The following NCALD variants were observed in gnomAD, a reference collection of about 807,000 sequenced individuals.
NCALD encodes neurocalcin delta, also known as neurocalcin-delta.
A neutral mutation model predicts 18.6 loss-of-function variants in NCALD; 10 were observed. That is an observed-to-expected ratio of 0.54 (90% CI 0.33 to 0.91). The LOEUF (loss-of-function observed/expected upper bound fraction) is 0.91. Ranked by LOEUF, NCALD falls within the 40% of genes least tolerant of loss-of-function variation. NCALD has a pLI of 0.03. For missense variants in NCALD, 184 were observed against 247.6 expected (o/e 0.74, Z 1.72); for synonymous variants, 88 against 87.4 (o/e 1.01, Z -0.04).
intron 1 of NCALD, among the ~76,000 whole-genome samples, chr8:102,061,602 T>C (rs1823851558): frequency 6.6e-6 from 1 of 152,142 alleles, no homozygotes; most frequent in Non-Finnish European, 1.5e-5. Context: ...ATAAGAAATG[T>C]GAAATTTTGC....
chr8:102,023,671 G>A (rs1357083628), intron 1 of NCALD, among the ~76,000 whole-genome samples: 1 of 152,172 alleles, frequency 6.6e-6, no homozygotes, highest in Admixed American at 6.5e-5. Flanking sequence ...AAGAATATAT[G>A]GCCTTCAAGC....
intron 4 of NCALD, among the ~76,000 whole-genome samples, chr8:101,800,898 GA>G (rs1369089123): frequency 1.5e-5 from 1 of 68,200 alleles, no homozygotes; most frequent in African/African-American, 7.4e-5. Flanking sequence ...GGGGAGAGGG[GA>G]GGGGGAAAAA....
chr8:101,817,346 G>A (rs1286541914), intron 4 of NCALD, among the ~76,000 whole-genome samples: 2 of 152,180 alleles, frequency 1.3e-5, no homozygotes, highest in South Asian at 4.1e-4. Flanking sequence ...TTAATTGGCA[G>A]ATGATTTTAA....
intron 1 of NCALD, among the ~76,000 whole-genome samples, chr8:102,096,979 C>G (rs1455737607): frequency 6.6e-6 from 1 of 152,206 alleles, no homozygotes; most frequent in Non-Finnish European, 1.5e-5. Context: ...AATATAGTCA[C>G]ATTCTGAGGT....
At chr8:101,979,930 T>C (rs1042271026) in intron 2 of NCALD, among the ~76,000 whole-genome samples, 4 of 152,202 alleles carry the variant, frequency 2.6e-5, no homozygotes, top group African/African-American at 7.2e-5. Context: ...AGGATAGTCC[T>C]TGTGTTACAT....
chr8:101,858,115 T>C (rs907027278), intron 4 of NCALD, among the ~76,000 whole-genome samples: 2 of 152,056 alleles, frequency 1.3e-5, no homozygotes, highest in African/African-American at 4.8e-5. Flanking sequence ...ATTGGTATTG[T>C]TTTCCAGCCA....
intron 1 of NCALD, among the ~76,000 whole-genome samples, chr8:102,030,734 G>A (rs1822637627): frequency 6.6e-6 from 1 of 152,054 alleles, no homozygotes; most frequent in Non-Finnish European, 1.5e-5. Flanking sequence ...AAATTAGCTG[G>A]ATGTGGTGGT....
chr8:102,065,356 C>T (rs1208945372), intron 1 of NCALD, among the ~76,000 whole-genome samples: 4 of 151,982 alleles, frequency 2.6e-5, no homozygotes, highest in South Asian at 2.1e-4. Flanking sequence ...AGAGTGACAG[C>T]GGGCAAAGCG....
intron 4 of NCALD, among the ~76,000 whole-genome samples, chr8:101,816,604 A>C (rs1813506983): frequency 6.6e-6 from 1 of 152,066 alleles, no homozygotes; most frequent in African/African-American, 2.4e-5. Flanking sequence ...ATAAAACTTG[A>C]ATTAAATTTG....
intron 1 of NCALD, among the ~76,000 whole-genome samples, chr8:102,051,337 T>A (rs1432500527): frequency 6.6e-6 from 1 of 152,072 alleles, no homozygotes; most frequent in Non-Finnish European, 1.5e-5. Flanking sequence ...ATAGGGAGGA[T>A]CAATGAGCTA....
intron 1 of NCALD, among the ~76,000 whole-genome samples, chr8:102,077,572 A>T (rs1405163422): frequency 6.6e-6 from 1 of 152,226 alleles, no homozygotes. Flanking sequence ...AATTTAAATT[A>T]TACTTTAGGC....
At chr8:101,783,090 C>G (rs1308964752) in intron 1 of NCALD, among the ~76,000 whole-genome samples, 2 of 152,152 alleles carry the variant, frequency 1.3e-5, no homozygotes, top group Non-Finnish European at 2.9e-5. Context: ...TGAGGAACAG[C>G]TGGAGAAACC....
At chr8:101,922,405 C>T (rs1818199177) in intron 2 of NCALD, among the ~76,000 whole-genome samples, 2 of 152,150 alleles carry the variant, frequency 1.3e-5, no homozygotes, top group South Asian at 4.1e-4. Context: ...GTTTCATTGA[C>T]CTGCTCACAG....
intron 2 of NCALD, among the ~76,000 whole-genome samples, chr8:102,013,750 C>T (rs564333266): frequency 1.3e-5 from 2 of 152,100 alleles, no homozygotes; most frequent in South Asian, 4.2e-4. Context: ...ATACCTGAGT[C>T]CAAAAACAAA....
intron 2 of NCALD, among the ~76,000 whole-genome samples, chr8:102,004,410 C>T (rs911595263): frequency 5.3e-5 from 8 of 152,080 alleles, no homozygotes; most frequent in Non-Finnish European, 1.0e-4. Flanking sequence ...ACATTCCATG[C>T]TCATGGGTAG....
chr8:101,700,032 AT>A (rs1298382304), intron 2 of NCALD, among the ~76,000 whole-genome samples: 1 of 143,566 alleles, frequency 7.0e-6, no homozygotes, highest in Non-Finnish European at 1.5e-5. Flanking sequence ...CTCTATTTTT[AT>A]TTATTTATTT....
chr8:102,042,355 G>A (rs1111909), intron 1 of NCALD, among the ~76,000 whole-genome samples: 46,840 of 151,706 alleles, frequency 0.31, 7,982 homozygotes, highest in African/African-American at 0.4. Context: ...TTTAGGGAGC[G>A]TCTATTCTCA....
intron 1 of NCALD, among the ~76,000 whole-genome samples, chr8:102,052,931 T>C (rs569005161): frequency 5.9e-5 from 9 of 152,364 alleles, no homozygotes; most frequent in African/African-American, 2.2e-4. Flanking sequence ...TCCCCAGCCA[T>C]TTAAAAATGT....
intron 3 of NCALD, among the ~76,000 whole-genome samples, chr8:101,905,247 T>C (rs1359895167): frequency 1.3e-5 from 2 of 151,944 alleles, no homozygotes; most frequent in Non-Finnish European, 2.9e-5. Context: ...TTCCCAAATC[T>C]TTATTTCTAG....
Sources: gnomAD v4.1 joint callset for allele counts (sites outside exome capture counted in the v4.1 genomes callset) on GRCh38, gnomAD v4.1.1 for gene constraint, MANE v1.5 for transcripts, NCBI Gene and HGNC (gene_info 2026-07-23, HGNC 2026-07-21) for gene names.